Variants in DEGS2 observed in about 807,000 individuals in gnomAD.
The protein encoded by DEGS2 is delta 4-desaturase, sphingolipid 2.
DEGS2 carries 19 observed loss-of-function variants against 23.8 expected under a neutral mutation model. That is an observed-to-expected ratio of 0.80 (90% CI 0.56 to 1.17). The LOEUF is 1.17. Ranked by LOEUF, DEGS2 falls within the 50% of genes most tolerant of loss-of-function variation. DEGS2 has a pLI of 0.00. For synonymous variants in DEGS2, 218 were observed against 213.7 expected, an observed-to-expected ratio of 1.02 and a Z score of -0.18; for missense variants, 390 against 459.5, an observed-to-expected ratio of 0.85 and a Z score of 1.38.
At chr14:100,153,392 A>G (rs1047680507) in intron 1 of DEGS2, among the ~76,000 whole-genome samples, 1 of 152,122 alleles carries the variant, frequency 6.6e-6, no homozygotes, top group Non-Finnish European at 1.5e-5. Context: ...GGCCTCAAAG[A>G]AAGGGGGACA....
chr14:100,147,045 C>CCA (rs751292486), intron 2 of DEGS2, 138 bp from the exon 3 acceptor site: 114 of 950,858 alleles, frequency 1.2e-4, no homozygotes, highest in Middle Eastern at 3.0e-4. Flanking sequence ...GCGCGCACAC[C>CCA]CACACACACA....
At chr14:100,153,111 C>G (rs1037343645) in intron 1 of DEGS2, among the ~76,000 whole-genome samples, 1 of 151,832 alleles carries the variant, frequency 6.6e-6, no homozygotes, top group African/African-American at 2.4e-5. Flanking sequence ...TAAAAATCAG[C>G]CAGGTGTGGT....
chr14:100,149,606 C>T lies in DEGS2; in HGVS notation c.187G>A (p.Gly63Arg), dbSNP rs200113406. The T allele has an allele frequency of 1.1e-5, 18 of 1,610,638 alleles. No homozygotes were observed. The highest frequency in any genetic ancestry group is 6.7e-5 in the African/African-American group (5 of 74,904). ...VQMLACWLVRGLAWRWLLFWA... is the reference protein window; with the variant it reads ...VQMLACWLVRRLAWRWLLFWA... ...AACAGCAGCCAGCGCCAGGCCAGCC[C>T]GCGCACCAGCCAGCAGGCCAGCATC... The change falls in exon 2 of 3, where the codon GGG (glycine) becomes AGG (arginine). Residue 63 changes from glycine to arginine, a missense_variant. Transcript: ENST00000305631.
chr14:100,147,918 T>G (rs1484515698), intron 2 of DEGS2, among the ~76,000 whole-genome samples: 2 of 152,104 alleles, frequency 1.3e-5, no homozygotes, highest in African/African-American at 2.4e-5. Context: ...CTCTCCCCCG[T>G]GCCTCTGCCT....
At chr14:100,155,204 C>T (rs1889639090) in intron 1 of DEGS2, among the ~76,000 whole-genome samples, 1 of 152,252 alleles carries the variant, frequency 6.6e-6, no homozygotes, top group Non-Finnish European at 1.5e-5. Flanking sequence ...GACGATGCCA[C>T]CTGGTGGCCA....
the DEGS2 span, among the ~76,000 whole-genome samples, chr14:100,166,238 G>GCGGGGGGAGCCCA: frequency 5.7e-5 from 7 of 122,946 alleles, no homozygotes; most frequent in Non-Finnish European, 1.2e-4. Flanking sequence ...ATCCAGGAGA[G>GCGGGGGGAGCCCA]TGGGGGGAGC....
At chr14:100,159,171 G>T (rs1889707638) in intron 1 of DEGS2, among the ~76,000 whole-genome samples, 1 of 151,988 alleles carries the variant, frequency 6.6e-6, no homozygotes, top group South Asian at 2.1e-4. Flanking sequence ...AGCGCGTCCC[G>T]GGGCCGCCCC....
chr14:100,148,312 G>C (rs1200790280), intron 2 of DEGS2, among the ~76,000 whole-genome samples: 1 of 152,186 alleles, frequency 6.6e-6, no homozygotes, highest in Non-Finnish European at 1.5e-5. Flanking sequence ...TCAGGCGCTC[G>C]AACACCTCCC....
At position 100,159,592 on chromosome 14, in the gene DEGS2, G is replaced by T; in HGVS notation, c.-5C>A. The stretch of plus-strand genomic sequence containing the variant: ...GCGGCTCGCGCTGTTGCCCATGGTG[G>T]GGCGGGAGGCGCCGTTCGGAGCGCG... On this transcript the variant is annotated 5_prime_UTR_variant, in exon 1 of 3. Transcript: ENST00000305631. 1 of 1,488,280 alleles carries T rather than the reference G, an allele frequency of 6.7e-7. No individual in the cohort carries two copies. Among genetic ancestry groups the T allele is most frequent in the South Asian group, 1.3e-5 (1 of 78,514 alleles). 92.2% of individuals were successfully genotyped at this position (1,488,280 alleles called of 1,614,324 possible). A position where few individuals can be genotyped will look rare whatever the true frequency, so the allele number is the denominator to read the frequency against.
At chr14:100,166,341 GCCCGGGGCTGTGGGGGGAGC>G in the DEGS2 span, among the ~76,000 whole-genome samples, 38 of 41,106 alleles carry the variant, frequency 9.2e-4, no homozygotes, top group East Asian at 0.013. Flanking sequence ...GGGGGAGCCT[GCCCGGGGCTGTGGGGGGAGC>G]CTGCCCGGGG....
intron 1 of DEGS2, among the ~76,000 whole-genome samples, chr14:100,158,493 C>T (rs991089139): frequency 2.0e-5 from 3 of 151,642 alleles, no homozygotes; most frequent in Admixed American, 2.0e-4. Context: ...ACCTGGGAGG[C>T]GGGGGTCGCA....
At chr14:100,147,911 TC>T (rs1310858495) in intron 2 of DEGS2, among the ~76,000 whole-genome samples, 2 of 151,800 alleles carry the variant, frequency 1.3e-5, no homozygotes, top group African/African-American at 2.4e-5. Flanking sequence ...CGGGCACCTC[TC>T]CCCCGTGCCT....
chr14:100,163,692 A>T (rs977112185), upstream of DEGS2, among the ~76,000 whole-genome samples: 3 of 152,182 alleles, frequency 2.0e-5, no homozygotes, highest in Admixed American at 2.0e-4. Flanking sequence ...GAAGTAAATT[A>T]TTATAGCAGG....
intron 1 of DEGS2, chr14:100,155,779 TTTTC>T (rs1335158744): frequency 2.6e-5 from 4 of 152,192 alleles, no homozygotes; most frequent in Admixed American, 1.3e-4. Flanking sequence ...CCTCTTTTGT[TTTTC>T]TTTATTTGAA....
At chr14:100,153,781 G>A (rs1014348500) in intron 1 of DEGS2, among the ~76,000 whole-genome samples, 3 of 151,024 alleles carry the variant, frequency 2.0e-5, no homozygotes, top group Non-Finnish European at 4.4e-5. Context: ...CCACACAGAC[G>A]GTTTCCAGCA....
At chr14:100,154,532 G>A (rs540122898) in intron 1 of DEGS2, among the ~76,000 whole-genome samples, 52 of 152,318 alleles carry the variant, frequency 3.4e-4, no homozygotes, top group Non-Finnish European at 4.7e-4. Context: ...TTCCCTAGGG[G>A]CCTATGGAGA....
intron 1 of DEGS2, among the ~76,000 whole-genome samples, 187 bp from the exon 2 acceptor site, chr14:100,149,897 A>T (rs758181098): frequency 2.0e-5 from 3 of 152,188 alleles, no homozygotes; most frequent in African/African-American, 7.2e-5. Context: ...GCCGAGCCTC[A>T]TCCCACCAGA....
chr14:100,146,409 A>G lies in DEGS2; in HGVS notation c.*352T>C, dbSNP rs186330688. On this transcript the variant is annotated 3_prime_UTR_variant, in exon 3 of 3. Coordinates refer to ENST00000305631, the MANE Select transcript of DEGS2 (RefSeq NM_206918.3). ...CCCAGACCACCCCCTCAGAAGCACAATCCATGGGCTGTGAAACAAACGCCG... is the reference window on the plus strand; with the variant it reads ...CCCAGACCACCCCCTCAGAAGCACAGTCCATGGGCTGTGAAACAAACGCCG... 1.0e-4 allele frequency: 25 copies of G among 241,800 alleles called. No homozygotes were observed. The East Asian group carries it at 3.0e-3, about 29-fold the overall frequency. 15.0% of individuals were successfully genotyped at this position (241,800 alleles called of 1,614,324 possible).
chr14:100,151,523 A>G (rs976668038), intron 1 of DEGS2, among the ~76,000 whole-genome samples: 5 of 152,186 alleles, frequency 3.3e-5, no homozygotes, highest in Non-Finnish European at 4.4e-5. Flanking sequence ...GGGACCCCCA[A>G]GGAGCTGAAC....
Sources: gnomAD v4.1 joint callset for allele counts (sites outside exome capture counted in the v4.1 genomes callset) on GRCh38, gnomAD v4.1.1 for gene constraint, MANE v1.5 for transcripts, NCBI Gene and HGNC (gene_info 2026-07-23, HGNC 2026-07-21) for gene names.